Variants in AGBL1 observed in about 807,000 individuals in gnomAD.
AGBL1 encodes AGBL carboxypeptidase 1.
In AGBL1, 130 loss-of-function variants were observed where a neutral mutation model predicts 118.9. That is an observed-to-expected ratio of 1.09 (90% CI 0.95 to 1.26). The LOEUF (loss-of-function observed/expected upper bound fraction) is 1.26. Among genes scored for constraint, AGBL1 ranks in the 50% most tolerant of loss-of-function variants. AGBL1 has a pLI of 0.00. For synonymous variants in AGBL1, 555 were observed against 478.9 expected (o/e 1.16, Z -2.08); for missense variants, 1,584 against 1,298.1 (o/e 1.22, Z -3.38).
At chr15:86,322,470 G>A (rs1320782779) in intron 17 of AGBL1, among the ~76,000 whole-genome samples, 2 of 151,908 alleles carry the variant, frequency 1.3e-5, no homozygotes, top group Admixed American at 1.3e-4. Flanking sequence ...AAATTTTGAG[G>A]GGACCAATAC....
chr15:86,277,583 G>A (rs140127509), intron 15 of AGBL1, among the ~76,000 whole-genome samples: 62 of 152,206 alleles, frequency 4.1e-4, no homozygotes, highest in African/African-American at 1.3e-3. Context: ...GTCTCCTGTG[G>A]TTGAATGTGG....
chr15:86,440,987 G>A (rs1323124710), intron 18 of AGBL1, among the ~76,000 whole-genome samples: 1 of 152,178 alleles, frequency 6.6e-6, no homozygotes, highest in African/African-American at 2.4e-5. Flanking sequence ...TCATACATTA[G>A]AGCAAGGGTC....
At chr15:86,530,399 G>T (rs1040780618) in intron 19 of AGBL1, among the ~76,000 whole-genome samples, 4 of 138,942 alleles carry the variant, frequency 2.9e-5, no homozygotes, top group Admixed American at 2.8e-4. Flanking sequence ...AATTCAACAA[G>T]AGGAGCTAAC....
chr15:86,808,314 C>T (rs1389805215), intron 22 of AGBL1, among the ~76,000 whole-genome samples: 1 of 152,130 alleles, frequency 6.6e-6, no homozygotes, highest in Non-Finnish European at 1.5e-5. Flanking sequence ...GTTGCATTTG[C>T]ACAAACTTCA....
At chr15:86,290,371 G>C (rs193005460) in intron 16 of AGBL1, among the ~76,000 whole-genome samples, 1 of 134,020 alleles carries the variant, frequency 7.5e-6, no homozygotes, top group Admixed American at 7.8e-5. Flanking sequence ...CTATTTTTAA[G>C]ACAGGGTCTC....
chr15:86,521,908 G>A (rs1381074795), intron 18 of AGBL1, among the ~76,000 whole-genome samples: 1 of 152,116 alleles, frequency 6.6e-6, no homozygotes, highest in Non-Finnish European at 1.5e-5. Flanking sequence ...CTCCCAATCT[G>A]TGGCACTTAG....
intron 19 of AGBL1, among the ~76,000 whole-genome samples, chr15:86,541,939 T>A (rs569684188): frequency 1.2e-3 from 190 of 152,320 alleles, no homozygotes; most frequent in African/African-American, 4.5e-3. Context: ...ATAATATATA[T>A]CATTAGAAAC....
intron 24 of AGBL1, among the ~76,000 whole-genome samples, chr15:87,012,190 T>TACAC (rs1491278071): frequency 1.9e-5 from 2 of 104,248 alleles, no homozygotes; most frequent in Admixed American, 1.9e-4. Context: ...TATACAAATT[T>TACAC]ATACACACAC....
chr15:86,190,235 A>G (rs2077697841), intron 5 of AGBL1, among the ~76,000 whole-genome samples: 1 of 152,172 alleles, frequency 6.6e-6, no homozygotes, highest in Non-Finnish European at 1.5e-5. Flanking sequence ...GAGAATTTAA[A>G]AAGATTTAAA....
chr15:87,028,569 G>T (rs1311664214), intron 24 of AGBL1, among the ~76,000 whole-genome samples: 1 of 151,570 alleles, frequency 6.6e-6, no homozygotes, highest in Non-Finnish European at 1.5e-5. Flanking sequence ...GAATTTTCTA[G>T]GTATCAGGTC....
At chr15:87,029,818 C>T (rs975994565), downstream of AGBL1, among the ~76,000 whole-genome samples, 3 of 151,838 alleles carry the variant, frequency 2.0e-5, no homozygotes, top group Admixed American at 6.6e-5. Flanking sequence ...CACACACACA[C>T]GTACACATGC....
Position 86,914,743 on chromosome 15 carries a change from T to C in AGBL1, c.*7449T>C, listed in dbSNP as rs1192722059. ...CAGATCACAACCTTAACTCAGGCAA[T>C]CGGACTCTTAAACTTGCTCTCCAAG... is the stretch of plus-strand genomic sequence containing the variant. On this transcript the variant is annotated 3_prime_UTR_variant, in exon 23 of 23. Transcript: ENST00000614907. 2 of 152,154 alleles carry C rather than the reference T, an allele frequency of 1.3e-5. No individual in the cohort carries two copies. Among genetic ancestry groups the C allele is most frequent in the African/African-American group, 4.8e-5 (2 of 41,426 alleles). 9.4% of individuals were successfully genotyped at this position (152,154 alleles called of 1,614,324 possible).
chr15:87,019,340 C>T (rs2081639204), intron 24 of AGBL1, among the ~76,000 whole-genome samples: 1 of 152,018 alleles, frequency 6.6e-6, no homozygotes, highest in Non-Finnish European at 1.5e-5. Flanking sequence ...CTACACAGCA[C>T]TTCCTCTAAA....
chr15:86,352,201 C>A (rs1029732014), intron 17 of AGBL1, among the ~76,000 whole-genome samples: 3 of 152,170 alleles, frequency 2.0e-5, no homozygotes, highest in African/African-American at 7.2e-5. Flanking sequence ...ATTGTGGCAT[C>A]TTGAGTCACT....
In AGBL1 at chr15:86,264,431, G is replaced by T; in HGVS notation, c.1260G>T (p.Lys420Asn). The T allele has an allele frequency of 6.2e-7, 1 of 1,614,000 alleles. No homozygotes were observed. The highest frequency in any genetic ancestry group is 8.5e-7 in the Non-Finnish European group (1 of 1,179,882). The change falls in exon 11 of 23, where the codon AAG (lysine) becomes AAT (asparagine). Residue 420 changes from lysine (K) to asparagine (N), a missense_variant. Lys to Asn is a moderately conservative substitution (Grantham distance 94, BLOSUM62 0). Transcript: ENST00000614907. ...AGACTTCCCTTCTGTGCAGGGTGAA[G>T]ACGGGAAGGTCCACTGTGCATCTAG... is the stretch of plus-strand genomic sequence containing the variant. ...AVQTSLLCRV[K>N]TGRSTVHLGS...
chr15:86,088,528 G>A (rs1895817225), intron 1 of AGBL1, among the ~76,000 whole-genome samples: 1 of 152,202 alleles, frequency 6.6e-6, no homozygotes, highest in Admixed American at 6.5e-5. Context: ...ATTTATGTGT[G>A]ATGGGGGACT....
chr15:86,903,736 G>T (rs1475098191), intron 22 of AGBL1, among the ~76,000 whole-genome samples: 2 of 152,190 alleles, frequency 1.3e-5, no homozygotes, highest in Admixed American at 6.5e-5. Context: ...CACCCAGTGT[G>T]GGGAGGGGCT....
chr15:86,925,148 AGG>A (rs376938841), intron 23 of AGBL1, among the ~76,000 whole-genome samples: 72,413 of 124,652 alleles, frequency 0.58, 21,751 homozygotes, highest in East Asian at 0.68. Context: ...GAGGAAGAGG[AGG>A]AGGAGGAGGA....
chr15:86,408,040 T>C (rs2081556689), intron 18 of AGBL1, among the ~76,000 whole-genome samples: 1 of 152,156 alleles, frequency 6.6e-6, no homozygotes, highest in Non-Finnish European at 1.5e-5. Context: ...CAACTGGCTG[T>C]CACATGGTCA....
Sources: gnomAD v4.1 joint callset for allele counts (sites outside exome capture counted in the v4.1 genomes callset) on GRCh38, gnomAD v4.1.1 for gene constraint, MANE v1.5 for transcripts, NCBI Gene and HGNC (gene_info 2026-07-23, HGNC 2026-07-21) for gene names.